Variants in CACNA1A observed in about 807,000 individuals in gnomAD.
CACNA1A encodes voltage-dependent P/Q-type calcium channel subunit alpha-1A.
A neutral mutation model predicts 262.4 loss-of-function variants in CACNA1A; 57 were observed. That is an observed-to-expected ratio of 0.22 (90% confidence interval 0.18 to 0.27). The LOEUF is 0.27. Ranked by LOEUF, CACNA1A falls within the 10% of genes least tolerant of loss-of-function variation. The probability of loss-of-function intolerance (pLI) is 1.00; values close to 1 mark genes in which losing one functional copy is unlikely to be tolerated. For synonymous variants in CACNA1A, 1,431 were observed against 1,419.3 expected, an observed-to-expected ratio of 1.01 and a Z score of -0.18; for missense variants, 2,526 against 3,562.8, an observed-to-expected ratio of 0.71 and a Z score of 7.41.
At chr19:13,459,592 C>T (rs558649879) in intron 1 of CACNA1A, among the ~76,000 whole-genome samples, 69 of 152,330 alleles carry the variant, frequency 4.5e-4, no homozygotes, top group Non-Finnish European at 6.3e-4. Flanking sequence ...TCCACTCTGC[C>T]TCACCCTGCA....
chr19:13,497,562 ATATATATATATATAT>A (rs1568709990), intron 1 of CACNA1A, among the ~76,000 whole-genome samples: 838 of 41,836 alleles, frequency 0.02, 203 homozygotes, highest in South Asian at 0.034. Flanking sequence ...ATATATATAT[ATATATATATATATAT>A]ATAAATTTAT....
At chr19:13,306,046 C>A (rs866364863) in intron 15 of CACNA1A, among the ~76,000 whole-genome samples, 9 of 136,642 alleles carry the variant, frequency 6.6e-5, no homozygotes, top group African/African-American at 2.6e-4. Flanking sequence ...GGCAACAGAG[C>A]GAGACTCCAT....
chr19:13,269,600 C>T (rs762929177), intron 24 of CACNA1A, among the ~76,000 whole-genome samples: 1 of 152,158 alleles, frequency 6.6e-6, no homozygotes, highest in Non-Finnish European at 1.5e-5. Flanking sequence ...GGAAGAACAG[C>T]CGCGCCAGAT....
chr19:13,395,829 G>GC (rs1159639105), intron 3 of CACNA1A, among the ~76,000 whole-genome samples: 3 of 150,324 alleles, frequency 2.0e-5, no homozygotes, highest in African/African-American at 7.4e-5. Flanking sequence ...AACCAAGAGA[G>GC]CCCCCCCTCC....
intron 30 of CACNA1A, 166 bp downstream of exon 30, chr19:13,252,825 C>G: frequency 3.9e-6 from 2 of 515,212 alleles, no homozygotes; most frequent in Non-Finnish European, 6.9e-6. Flanking sequence ...GACTCCTTGG[C>G]AAACACAAGA....
intron 6 of CACNA1A, among the ~76,000 whole-genome samples, chr19:13,352,284 A>G (rs1600402001): frequency 6.6e-6 from 1 of 152,004 alleles, no homozygotes; most frequent in East Asian, 1.9e-4. Context: ...GTGCATGCCT[A>G]TAGTCCCAGC....
At chr19:13,503,585 T>C (rs1982643466) in intron 1 of CACNA1A, among the ~76,000 whole-genome samples, 1 of 151,988 alleles carries the variant, frequency 6.6e-6, no homozygotes, top group South Asian at 2.1e-4. Flanking sequence ...TTTTATTCAC[T>C]ACCTCCCTCC....
intron 24 of CACNA1A, among the ~76,000 whole-genome samples, chr19:13,265,449 T>C (rs1054933037): frequency 7.9e-5 from 12 of 152,224 alleles, no homozygotes; most frequent in African/African-American, 2.9e-4. Flanking sequence ...ACGATAATTG[T>C]ATTTTAGCCT....
intron 3 of CACNA1A, among the ~76,000 whole-genome samples, chr19:13,413,919 G>GAAAAGA (rs768867380): frequency 7.6e-6 from 1 of 131,182 alleles, no homozygotes; most frequent in African/African-American, 3.0e-5. Flanking sequence ...AAGAAAGAAA[G>GAAAAGA]AAAGAAAGAA....
rs2054680718 is a variant in CACNA1A, at chr19:13,208,800, A to ACCAGCGCTGGTCCCGAGCCCGTGC, written c.6712_6735dup (p.Ala2238_Trp2245dup). On this transcript the variant is annotated inframe_insertion, in exon 46 of 47. Transcript: ENST00000360228. ...TCTCGGCCCTCGCTGGGCGAGCGGG[A>ACCAGCGCTGGTCCCGAGCCCGTGC]CCAGCGCTGGTCCCGAGCCCGTGCC... The ACCAGCGCTGGTCCCGAGCCCGTGC allele has an allele frequency of 1.4e-6, 2 of 1,471,772 alleles. No individual in the cohort carries two copies. Among genetic ancestry groups the ACCAGCGCTGGTCCCGAGCCCGTGC allele is most frequent in the Admixed American group, 4.0e-5 (2 of 50,210 alleles). 91.2% of individuals were successfully genotyped at this position (1,471,772 alleles called of 1,614,324 possible). A position where few individuals can be genotyped will look rare whatever the true frequency, so the allele number is the denominator to read the frequency against.
intron 10 of CACNA1A, among the ~76,000 whole-genome samples, chr19:13,328,766 C>T (rs553112779): frequency 3.9e-5 from 6 of 152,052 alleles, no homozygotes; most frequent in African/African-American, 9.6e-5. Context: ...GATATGTGAT[C>T]GCAATGGAAA....
At position 13,212,556 on chromosome 19, in the gene CACNA1A, G is replaced by A. The variant is rs1403058462; in HGVS notation, c.6051-34C>T. 2 of 1,534,126 alleles carry A rather than the reference G, an allele frequency of 1.3e-6. No individual in the cohort carries two copies. The highest frequency in any genetic ancestry group is 8.8e-7 in the Non-Finnish European group (1 of 1,134,822). ...GGGACAGAGGCCGGGGTAGCAGTGG[G>A]CGCTTGGGCAGCTTCCAGAACGTGG... On this transcript the variant is annotated intron_variant, in intron 41 of 46. Coordinates refer to ENST00000360228, the MANE Select transcript of CACNA1A (RefSeq NM_001127222.2). This position sits in a 1 kb window ranked among gnomAD's most constrained non-coding sequence, Gnocchi z 5.6.
At chr19:13,279,592 T>C (rs181215446) in intron 22 of CACNA1A, among the ~76,000 whole-genome samples, 1 of 152,158 alleles carries the variant, frequency 6.6e-6, no homozygotes, top group African/African-American at 2.4e-5. Context: ...TTCAAGCAAT[T>C]CTTCTGCCTC....
At chr19:13,475,611 A>G (rs1978434025) in intron 1 of CACNA1A, among the ~76,000 whole-genome samples, 1 of 152,200 alleles carries the variant, frequency 6.6e-6, no homozygotes, top group Non-Finnish European at 1.5e-5. Flanking sequence ...CCCCCTCAGG[A>G]AGATCATATG....
chr19:13,231,780 A>G lies in CACNA1A; in HGVS notation c.5330T>C (p.Leu1777Pro), dbSNP rs575269818. 6.2e-7 allele frequency: 1 copy of G among 1,613,886 alleles called. No homozygotes were observed. Among genetic ancestry groups the G allele is most frequent in the Admixed American group, 1.7e-5 (1 of 60,006 alleles). Residue 1777 changes from leucine to proline, a missense_variant, in exon 35 of 47, where the codon CTG becomes CCG. Leu to Pro is a moderately conservative substitution (Grantham distance 98, BLOSUM62 -3). This residue lies in a region of CACNA1A where 39 missense variants were observed against 124.9 expected (regional missense o/e 0.31). Transcript: ENST00000360228. ...AAATTCATTGCCACACTCTCGAGTC[A>G]GGATGCCAGAGTTCTTATCACACGG... ...GKPCDKNSGI[L>P]TRECGNEFAY... is the part of the protein sequence containing the mutation.
chr19:13,230,012 G>A, intron 36 of CACNA1A, 70 bp downstream of exon 36: 1 of 1,560,742 alleles, frequency 6.4e-7, no homozygotes, highest in Non-Finnish European at 8.7e-7. Context: ...TCTGGGGCCT[G>A]ACCTAGCCCG....
intron 1 of CACNA1A, among the ~76,000 whole-genome samples, chr19:13,473,930 T>A (rs527712712): frequency 1.1e-3 from 167 of 152,314 alleles, no homozygotes; most frequent in Non-Finnish European, 2.0e-3. Flanking sequence ...GGCCTCCCAA[T>A]GAAACCTCCC....
At chr19:13,331,084 A>G (rs573974082) in intron 9 of CACNA1A, among the ~76,000 whole-genome samples, 1 of 152,070 alleles carries the variant, frequency 6.6e-6, no homozygotes, top group South Asian at 2.1e-4. Flanking sequence ...AATGAGTTAG[A>G]TTACCTAACT....
intron 1 of CACNA1A, among the ~76,000 whole-genome samples, chr19:13,464,539 T>C (rs1388491943): frequency 1.4e-5 from 2 of 147,828 alleles, no homozygotes; most frequent in African/African-American, 5.1e-5. Flanking sequence ...AAATAACTTT[T>C]CCAATTTTTT....
Sources: gnomAD v4.1 joint callset for allele counts (sites outside exome capture counted in the v4.1 genomes callset) on GRCh38, gnomAD v4.1.1 for gene constraint, gnomAD v4.1.1 regional missense constraint, Gnocchi (gnomAD v3.1) non-coding constraint, MANE v1.5 for transcripts, NCBI Gene and HGNC (gene_info 2026-07-23, HGNC 2026-07-21) for gene names.